CAND2: variants seen among roughly 807,000 people sequenced by gnomAD.
The protein encoded by CAND2 is cullin-associated NEDD8-dissociated protein 2.
In CAND2, 62 loss-of-function variants were observed where a neutral mutation model predicts 98.9. The ratio of observed to expected loss-of-function variants is 0.63; its 90% CI spans 0.51 to 0.77. The LOEUF (loss-of-function observed/expected upper bound fraction) is 0.77. Among genes scored for constraint, CAND2 ranks in the 30% least tolerant of loss-of-function variants. The pLI is 0.00. For missense variants in CAND2, 1,501 were observed against 1,655.2 expected, an observed-to-expected ratio of 0.91 and a Z score of 1.62; for synonymous variants, 770 against 731.9, an observed-to-expected ratio of 1.05 and a Z score of -0.84.
intron 6 of CAND2, 53 bp from the exon 7 acceptor site, chr3:12,813,193 C>G: frequency 1.2e-6 from 2 of 1,604,232 alleles, no homozygotes; most frequent in South Asian, 1.1e-5. Context: ...GGCCCTGTCC[C>G]CCACTCCTGT....
chr3:12,810,572 C>T (rs1056294035), intron 5 of CAND2, among the ~76,000 whole-genome samples: 16 of 152,208 alleles, frequency 1.1e-4, no homozygotes, highest in Non-Finnish European at 2.4e-4. Context: ...AGGGCGGGCC[C>T]TGAGCTCGAC....
intron 13 of CAND2, among the ~76,000 whole-genome samples, chr3:12,830,452 GA>G (rs1298524839): frequency 1.3e-5 from 2 of 152,218 alleles, no homozygotes; most frequent in Admixed American, 6.5e-5. Flanking sequence ...GACACAGAGT[GA>G]GGAGTTCTGG....
Position 12,801,481 on chromosome 3 carries a change from A to G in CAND2, c.69-2007A>G, listed in dbSNP as rs140562635. Among the ~76,000 whole-genome samples, 934 of 152,316 alleles carry G rather than the reference A, an allele frequency of 6.1e-3. 8 individuals carry two copies. The highest frequency in any genetic ancestry group is 0.021 in the African/African-American group (883 of 41,562). ...TCCTACCCTCTTAATTTTGGCGGGA[A>G]TGGTGCCCAATTCCCGCACCATTCC... On this transcript the variant is annotated intron_variant, in intron 1 of 14. Transcript: ENST00000456430.
At chr3:12,813,869 G>T (rs1246608136) in intron 7 of CAND2, among the ~76,000 whole-genome samples, 6 of 152,230 alleles carry the variant, frequency 3.9e-5, no homozygotes, top group Non-Finnish European at 8.8e-5. Flanking sequence ...AATGGGGGTG[G>T]ACTTGATAGC....
In CAND2 at chr3:12,815,836, C is replaced by T. The variant is rs1250460546; in HGVS notation, c.1300-31C>T. 2 of 1,604,458 alleles carry T rather than the reference C, an allele frequency of 1.2e-6. No homozygotes were observed. Among genetic ancestry groups the T allele is most frequent in the African/African-American group, 1.3e-5 (1 of 74,724 alleles). On this transcript the variant is annotated intron_variant, in intron 8 of 14. Coordinates refer to ENST00000456430, the MANE Select transcript of CAND2 (RefSeq NM_001162499.2). This position sits in a 1 kb window ranked among gnomAD's most constrained non-coding sequence, Gnocchi z 5.7. Reference sequence around the variant, plus strand: ...AGGTGGGTAGGTTTCTTGGGTGTTCCCTGACCTTGACTTCCCCCTCCTGCC... The same window carrying T: ...AGGTGGGTAGGTTTCTTGGGTGTTCTCTGACCTTGACTTCCCCCTCCTGCC...
At chr3:12,832,311 A>C (rs980121913) in intron 14 of CAND2, 1 of 152,196 alleles carries the variant, frequency 6.6e-6, no homozygotes, top group Non-Finnish European at 1.5e-5. Context: ...TATTGAGTCC[A>C]TCCAAAAAAA....
chr3:12,811,916 T>G (rs896372088), intron 5 of CAND2, among the ~76,000 whole-genome samples: 2 of 151,174 alleles, frequency 1.3e-5, no homozygotes, highest in South Asian at 4.2e-4. Flanking sequence ...TTTTTTTTTT[T>G]CTTTTTGAGA....
At chr3:12,820,882 G>A (rs1027807151) in intron 11 of CAND2, among the ~76,000 whole-genome samples, 1 of 152,162 alleles carries the variant, frequency 6.6e-6, no homozygotes. Flanking sequence ...TCAAATCCTG[G>A]CCCTGCTATT....
chr3:12,821,196 T>A (rs1179816582), intron 11 of CAND2, among the ~76,000 whole-genome samples: 3 of 149,290 alleles, frequency 2.0e-5, no homozygotes, highest in African/African-American at 7.5e-5. Flanking sequence ...ATTGCACCAC[T>A]GCACTCTAGC....
At position 12,819,805 on chromosome 3, in the gene CAND2, T is replaced by C. The variant is rs186003578; in HGVS notation, c.2945-281T>C. On this transcript the variant is annotated intron_variant, in intron 10 of 14. Coordinates refer to ENST00000456430, the MANE Select transcript of CAND2 (RefSeq NM_001162499.2). ...AAAAATCCCAAGGCCTGAGGGAAGGTCTTTGTTGGAGCAGTTCCTGTCTTG... is the reference window on the plus strand; with the variant it reads ...AAAAATCCCAAGGCCTGAGGGAAGGCCTTTGTTGGAGCAGTTCCTGTCTTG... Among the ~76,000 whole-genome samples the C allele has an allele frequency of 2.0e-3, 307 of 152,246 alleles. 3 individuals are homozygous for C. In the Middle Eastern group the frequency reaches 0.027, roughly 14 times the overall value.
chr3:12,829,090 C>T (rs6797342), intron 13 of CAND2, among the ~76,000 whole-genome samples: 1,861 of 152,296 alleles, frequency 0.012, 31 homozygotes, highest in African/African-American at 0.043. Flanking sequence ...CTGGATCATA[C>T]GGCAATTCTG....
rs553186969 is a variant in CAND2 at position 12,796,781 on chromosome 3, G to A, written c.61G>A (p.Asp21Asn). Residue 21 changes from aspartate to asparagine, a missense_variant, in exon 1 of 15, where the codon GAC (aspartate) becomes AAC (asparagine). This residue lies in a region of CAND2 where 62 missense variants were observed against 77.3 expected (regional missense o/e 0.80). Transcript: ENST00000456430. ...LLEKMTSSDK[D>N]FRFMATSDLM... is the part of the protein sequence containing the mutation. ...GGAGAAGATGACGTCCAGCGACAAGGACTTCAGGTGCAGCCCGCCGCCGGC... is the reference window on the plus strand; with the variant it reads ...GGAGAAGATGACGTCCAGCGACAAGAACTTCAGGTGCAGCCCGCCGCCGGC... The A allele has an allele frequency of 1.9e-6, 3 of 1,586,102 alleles. No individual in the cohort carries two copies. Among genetic ancestry groups the A allele is most frequent in the Non-Finnish European group, 2.6e-6 (3 of 1,165,550 alleles).
chr3:12,808,829 C>T (rs1400864459), intron 4 of CAND2, among the ~76,000 whole-genome samples: 1 of 152,130 alleles, frequency 6.6e-6, no homozygotes, highest in Non-Finnish European at 1.5e-5. Flanking sequence ...GGAGGGGAGA[C>T]TGTCCCCAGT....
chr3:12,799,705 C>T (rs1241502855), intron 1 of CAND2, among the ~76,000 whole-genome samples: 1 of 152,190 alleles, frequency 6.6e-6, no homozygotes, highest in Non-Finnish European at 1.5e-5. Flanking sequence ...CCTCTGCCCT[C>T]AGTGAGTGTA....
At chr3:12,812,221 C>CTTGTTTTTTTT (rs2061857159) in intron 5 of CAND2, among the ~76,000 whole-genome samples, 1 of 74,514 alleles carries the variant, frequency 1.3e-5, no homozygotes, top group African/African-American at 5.8e-5. Context: ...AGCTGTTTAT[C>CTTGTTTTTTTT]TTTTTTTTTT....
chr3:12,806,837 C>T (rs9851761), intron 2 of CAND2, among the ~76,000 whole-genome samples: 3,468 of 152,304 alleles, frequency 0.023, 121 homozygotes, highest in African/African-American at 0.077. Flanking sequence ...AACTCACCAC[C>T]AAACTTTGAG....
intron 13 of CAND2, 58 bp downstream of exon 13, chr3:12,827,662 C>T: frequency 1.4e-6 from 2 of 1,471,380 alleles, no homozygotes; most frequent in Non-Finnish European, 1.8e-6. Context: ...TAGTCGGGCA[C>T]CATTGGGGCC....
In CAND2 at chr3:12,810,204, G is replaced by C. The variant is rs1034916847; in HGVS notation, c.637G>C (p.Glu213Gln). Residue 213 changes from glutamate (E) to glutamine (Q), a missense_variant, in exon 5 of 15, where the codon GAG (glutamate) becomes CAG (glutamine). Glu to Gln is a conservative substitution (Grantham distance 29). Around this residue, in one of 3 missense-constraint regions of CAND2, gnomAD observed 1,427 missense variants for 1,545.3 expected, o/e 0.92. Coordinates refer to ENST00000456430, the MANE Select transcript of CAND2 (RefSeq NM_001162499.2). ...AAACSTDLFV[E>Q]LADHLLDRLP... Reference sequence around the variant, plus strand: ...CGCCTGCAGCACCGACCTCTTCGTCGAGCTCGCTGACCACCTACTGGACCG... The same window carrying C: ...CGCCTGCAGCACCGACCTCTTCGTCCAGCTCGCTGACCACCTACTGGACCG... 3 of 1,541,900 alleles carry C rather than the reference G, an allele frequency of 1.9e-6. No individual in the cohort carries two copies. The highest frequency in any genetic ancestry group is 2.6e-6 in the Non-Finnish European group (3 of 1,148,546).
Position 12,817,835 on chromosome 3 carries a change from C to A in CAND2, c.2903C>A (p.Pro968His). The change falls in exon 10 of 15, where the codon CCT becomes CAT. Residue 968 changes from proline to histidine, a missense_variant. Transcript: ENST00000456430. ...ECIGKLVLVN[P>H]SFLLPRLRKQ... ...ATTGGGAAGCTGGTCCTTGTGAACCCTTCGTTCCTTCTGCCCCGCTTGCGG... is the reference window on the plus strand; with the variant it reads ...ATTGGGAAGCTGGTCCTTGTGAACCATTCGTTCCTTCTGCCCCGCTTGCGG... The A allele has an allele frequency of 2.0e-6, 3 of 1,514,132 alleles. No individual in the cohort carries two copies. Among genetic ancestry groups the A allele is most frequent in the Non-Finnish European group, 2.7e-6 (3 of 1,131,578 alleles). The allele number at this position is 1,514,132 out of a possible 1,614,324, so 93.8% of individuals were successfully genotyped here.
Sources: gnomAD v4.1 joint callset for allele counts (sites outside exome capture counted in the v4.1 genomes callset) on GRCh38, gnomAD v4.1.1 for gene constraint, gnomAD v4.1.1 regional missense constraint, Gnocchi (gnomAD v3.1) non-coding constraint, MANE v1.5 for transcripts, NCBI Gene and HGNC (gene_info 2026-07-23, HGNC 2026-07-21) for gene names.